The following UGGT2 variants were observed in gnomAD, a reference collection of about 807,000 sequenced individuals.
The protein encoded by UGGT2 is UDP-glucose:glycoprotein glucosyltransferase 2.
In UGGT2, 180 loss-of-function variants were observed where a neutral mutation model predicts 192.1. The ratio of observed to expected loss-of-function variants is 0.94; its 90% CI spans 0.83 to 1.06. The LOEUF (loss-of-function observed/expected upper bound fraction) is 1.06, where lower values mean the gene tolerates loss of function less well. Among genes scored for constraint, UGGT2 ranks in the 50% least tolerant of loss-of-function variants. The pLI, the probability that UGGT2 is intolerant of heterozygous loss-of-function variation, is 0.00. For synonymous variants in UGGT2, 580 were observed against 591.0 expected (o/e 0.98, Z 0.27); for missense variants, 1,849 against 1,795.7 (o/e 1.03, Z -0.54).
At chr13:95,875,508 T>C (rs55858348) in intron 29 of UGGT2, among the ~76,000 whole-genome samples, 1,842 of 152,312 alleles carry the variant, frequency 0.012, 42 homozygotes, top group African/African-American at 0.041. Flanking sequence ...TACGTCATAA[T>C]ATATGATATG....
At chr13:95,916,199 T>G (rs1366371776) in intron 20 of UGGT2, among the ~76,000 whole-genome samples, 1 of 152,210 alleles carries the variant, frequency 6.6e-6, no homozygotes, top group African/African-American at 2.4e-5. Flanking sequence ...CAGAAGGATC[T>G]GGCTGCCATC....
At chr13:95,840,418 T>G (rs933856452) in intron 36 of UGGT2, among the ~76,000 whole-genome samples, 1 of 152,198 alleles carries the variant, frequency 6.6e-6, no homozygotes, top group South Asian at 2.1e-4. Context: ...AAGACACTTA[T>G]GCGACCAACA....
At position 95,900,838 on chromosome 13, in the gene UGGT2, G is replaced by A. The variant is rs780856448; in HGVS notation, c.2603C>T (p.Pro868Leu). The change falls in exon 22 of 39, where the codon CCT becomes CTT. Residue 868 changes from proline (P) to leucine (L), a missense_variant. Transcript: ENST00000376747. ...LFCQDVLKLRPGEMGIVSNGR... is the reference protein window; with the variant it reads ...LFCQDVLKLRLGEMGIVSNGR... ...ATTGCTGACAATACCCATTTCTCCA[G>A]GACGTAATTTAAGTACATCTTGACA... 1.2e-6 allele frequency: 2 copies of A among 1,611,344 alleles called. No homozygotes were observed. Among genetic ancestry groups the A allele is most frequent in the South Asian group, 2.2e-5 (2 of 90,754 alleles).
intron 1 of UGGT2, among the ~76,000 whole-genome samples, chr13:96,049,594 C>T (rs980114601): frequency 1.5e-4 from 23 of 152,122 alleles, no homozygotes; most frequent in Admixed American, 1.3e-4. Context: ...CATCTCAGCC[C>T]AAAATCTCCT....
chr13:96,035,118 G>GCAAAAAGAA (rs1249426975), intron 1 of UGGT2, among the ~76,000 whole-genome samples: 4 of 152,150 alleles, frequency 2.6e-5, no homozygotes, highest in Non-Finnish European at 5.9e-5. Flanking sequence ...ACAATCTGAA[G>GCAAAAAGAA]CAAAAAGAAC....
At chr13:95,909,759 A>C (rs55930921) in intron 20 of UGGT2, among the ~76,000 whole-genome samples, 38 of 76,192 alleles carry the variant, frequency 5.0e-4, no homozygotes, top group South Asian at 1.3e-3. Context: ...TAATAATAAT[A>C]ATAATAATAA....
At chr13:95,895,696 T>C (rs998166543) in intron 22 of UGGT2, among the ~76,000 whole-genome samples, 4 of 152,102 alleles carry the variant, frequency 2.6e-5, no homozygotes, top group Admixed American at 2.6e-4. Context: ...CAATGGTCTA[T>C]ATTTTTAAAA....
At chr13:95,988,206 T>C (rs972953373) in intron 8 of UGGT2, among the ~76,000 whole-genome samples, 1 of 152,078 alleles carries the variant, frequency 6.6e-6, no homozygotes, top group Non-Finnish European at 1.5e-5. Flanking sequence ...ATCATGCCTG[T>C]CTCTGTAAAA....
intron 12 of UGGT2, among the ~76,000 whole-genome samples, chr13:95,967,444 G>A (rs1365692748): frequency 4.7e-5 from 7 of 149,062 alleles, no homozygotes; most frequent in African/African-American, 9.9e-5. Context: ...GAGCCACCAC[G>A]CCCAGCCCCC....
chr13:95,821,273 AT>A (rs758388651), intron 38 of UGGT2, among the ~76,000 whole-genome samples: 68 of 152,182 alleles, frequency 4.5e-4, no homozygotes, highest in Non-Finnish European at 4.3e-4. Flanking sequence ...CTTTTTCTTC[AT>A]GGCCATTCTT....
intron 1 of UGGT2, among the ~76,000 whole-genome samples, chr13:96,035,022 A>G (rs966571477): frequency 1.3e-5 from 2 of 152,230 alleles, no homozygotes; most frequent in Non-Finnish European, 2.9e-5. Flanking sequence ...CAAAACCCTT[A>G]TCACGGGATC....
intron 12 of UGGT2, among the ~76,000 whole-genome samples, chr13:95,967,904 A>T (rs764421347): frequency 4.6e-5 from 7 of 152,220 alleles, no homozygotes; most frequent in African/African-American, 1.2e-4. Flanking sequence ...TATTGTAAAT[A>T]AATCATTATC....
intron 20 of UGGT2, among the ~76,000 whole-genome samples, chr13:95,924,091 C>G (rs1354454130): frequency 6.6e-6 from 1 of 152,114 alleles, no homozygotes; most frequent in Non-Finnish European, 1.5e-5. Context: ...ATGATTATTG[C>G]ACTTCATATA....
intron 12 of UGGT2, among the ~76,000 whole-genome samples, chr13:95,963,914 T>A (rs2050484158): frequency 6.6e-6 from 1 of 152,132 alleles, no homozygotes. Context: ...ATTAAAATGA[T>A]GATACTGCCC....
At chr13:95,883,314 T>C (rs1566632982) in intron 27 of UGGT2, among the ~76,000 whole-genome samples, 1 of 152,324 alleles carries the variant, frequency 6.6e-6, no homozygotes, top group East Asian at 1.9e-4. Flanking sequence ...GCAATGGCTA[T>C]ATTCTACAGG....
At chr13:95,907,735 T>A (rs949484572) in intron 20 of UGGT2, among the ~76,000 whole-genome samples, 6 of 152,082 alleles carry the variant, frequency 3.9e-5, no homozygotes, top group Admixed American at 6.6e-5. Flanking sequence ...CAAAACCACA[T>A]CTGTAGGTCA....
In UGGT2 at chr13:96,031,907, C is replaced by T. The variant is rs1006535439; in HGVS notation, c.223G>A (p.Ala75Thr). ...WQFLETVQEL[A>T]IYKQTESDYS... ...CACCTACCTGTTTGCTTATAAATTGCTAATTCTTGCACAGTTTCCAAAAAC... is the reference window on the plus strand; with the variant it reads ...CACCTACCTGTTTGCTTATAAATTGTTAATTCTTGCACAGTTTCCAAAAAC... The change falls in exon 2 of 39, where the codon GCA becomes ACA. Residue 75 changes from alanine (A) to threonine (T), a missense_variant. Ala to Thr is a moderately conservative substitution (Grantham distance 58). Transcript: ENST00000376747. 6.2e-7 allele frequency: 1 copy of T among 1,609,456 alleles called. No homozygotes were observed. The highest frequency in any genetic ancestry group is 8.5e-7 in the Non-Finnish European group (1 of 1,178,042).
chr13:95,957,545 T>C (rs924592605), intron 12 of UGGT2, among the ~76,000 whole-genome samples: 2 of 152,156 alleles, frequency 1.3e-5, no homozygotes, highest in Non-Finnish European at 1.5e-5. Flanking sequence ...GAGACTGATA[T>C]CTGAAAGCTT....
intron 1 of UGGT2, among the ~76,000 whole-genome samples, chr13:96,052,842 C>T (rs995963786): frequency 6.6e-6 from 1 of 152,228 alleles, no homozygotes; most frequent in Admixed American, 6.5e-5. Context: ...CTGCCTACCC[C>T]AGTAGAAGCT....
Sources: allele counts gnomAD v4.1 joint callset (sites outside exome capture counted in the v4.1 genomes callset), GRCh38; gene constraint gnomAD v4.1.1; transcripts MANE v1.5; gene names NCBI Gene and HGNC (gene_info 2026-07-23, HGNC 2026-07-21).